Variants in RIPOR2 observed in about 807,000 individuals in gnomAD.
RIPOR2 encodes the protein RHO family interacting cell polarization regulator 2, also known as rho family-interacting cell polarization regulator 2.
In RIPOR2, 39 loss-of-function variants were observed where a neutral mutation model predicts 114.5. The ratio of observed to expected loss-of-function variants is 0.34; its 90% CI spans 0.26 to 0.44. The LOEUF is 0.44. Among genes scored for constraint, RIPOR2 ranks in the 20% least tolerant of loss-of-function variants. The pLI, the probability that RIPOR2 is intolerant of heterozygous loss-of-function variation, is 1.00. For missense variants in RIPOR2, 1,007 were observed against 1,255.1 expected, an observed-to-expected ratio of 0.80 and a Z score of 2.99; for synonymous variants, 445 against 484.4, an observed-to-expected ratio of 0.92 and a Z score of 1.07.
At chr6:24,918,290 T>C (rs1044249246) in intron 1 of RIPOR2, among the ~76,000 whole-genome samples, 1 of 152,268 alleles carries the variant, frequency 6.6e-6, no homozygotes, top group African/African-American at 2.4e-5. Flanking sequence ...GACATTGGCT[T>C]GATTGATAAT....
At chr6:24,995,800 ATTTTTTTTT>A (rs35560241) in intron 1 of RIPOR2, among the ~76,000 whole-genome samples, 2 of 136,732 alleles carry the variant, frequency 1.5e-5, no homozygotes, top group Non-Finnish European at 3.2e-5. Flanking sequence ...AACTAGAGTG[ATTTTTTTTT>A]TTTTTTTTTT....
intron 20 of RIPOR2, among the ~76,000 whole-genome samples, chr6:24,811,657 C>CTTTTTT (rs1222503239): frequency 1.8e-4 from 4 of 21,728 alleles, no homozygotes; most frequent in East Asian, 3.9e-3. Flanking sequence ...TCGTTTAGTA[C>CTTTTTT]TTTTTTTTTT....
rs1231184191 is a variant in RIPOR2, at chr6:24,843,040, T to C, written c.1679A>G (p.Asp560Gly). The C allele has an allele frequency of 3.1e-6, 5 of 1,612,166 alleles. No individual in the cohort carries two copies. In the East Asian group the frequency reaches 1.1e-4, roughly 36 times the overall value. The change falls in exon 13 of 22, where the codon GAC becomes GGC. Residue 560 changes from aspartate (D) to glycine (G), a missense_variant. By Grantham distance (94) the Asp-to-Gly change is moderately conservative. Transcript: ENST00000643898. ...LTSAEVPMAT[D>G]RLLSEGSVGG... ...AACAGAACCCTCAGAGAGCAGCCTG[T>C]CTGTGGCCATTGGCACCTCTGCAGA...
intron 19 of RIPOR2, among the ~76,000 whole-genome samples, chr6:24,820,869 CTTT>C (rs34770819): frequency 0.3 from 24,688 of 83,030 alleles, 1,780 homozygotes; most frequent in East Asian, 0.6. Context: ...GTTTAACACT[CTTT>C]TTTTTTTTTT....
chr6:24,972,846 G>A (rs533565450), intron 1 of RIPOR2, among the ~76,000 whole-genome samples: 1 of 152,282 alleles, frequency 6.6e-6, no homozygotes, highest in Non-Finnish European at 1.5e-5. Flanking sequence ...TGAAAAATCT[G>A]TTTTACTAAT....
chr6:24,893,138 A>G (rs1199408196), intron 1 of RIPOR2, among the ~76,000 whole-genome samples: 11 of 152,250 alleles, frequency 7.2e-5, no homozygotes, highest in Admixed American at 7.2e-4. Flanking sequence ...TTCAACAGCA[A>G]CAATCACCAA....
chr6:24,931,887 C>G (rs1415656337), intron 1 of RIPOR2: 2 of 152,234 alleles, frequency 1.3e-5, no homozygotes, highest in Admixed American at 6.5e-5. Flanking sequence ...TGCTAAAATA[C>G]TCACTGACCA....
intron 1 of RIPOR2, among the ~76,000 whole-genome samples, chr6:25,005,696 T>C (rs1536769): frequency 1.9e-3 from 21 of 10,812 alleles, no homozygotes; most frequent in South Asian, 0.014. Flanking sequence ...CCTATGGAGA[T>C]ATATATATAT....
chr6:24,848,724 C>T (rs1762563389), intron 11 of RIPOR2, among the ~76,000 whole-genome samples: 1 of 152,212 alleles, frequency 6.6e-6, no homozygotes, highest in Admixed American at 6.5e-5. Flanking sequence ...TCAATGACTG[C>T]AGATTGTGGG....
chr6:24,951,587 G>A (rs940399792), intron 1 of RIPOR2, among the ~76,000 whole-genome samples: 4 of 152,138 alleles, frequency 2.6e-5, no homozygotes, highest in African/African-American at 9.7e-5. Context: ...TCACGCTTCT[G>A]CTACTCTAGT....
chr6:24,980,090 C>T (rs1179632312), intron 1 of RIPOR2, among the ~76,000 whole-genome samples: 2 of 152,214 alleles, frequency 1.3e-5, no homozygotes, highest in African/African-American at 4.8e-5. Flanking sequence ...TAAAGAATCT[C>T]ATCTTAGATA....
chr6:24,873,330 C>T (rs571574677), intron 3 of RIPOR2, among the ~76,000 whole-genome samples: 1 of 152,196 alleles, frequency 6.6e-6, no homozygotes, highest in Admixed American at 6.5e-5. Context: ...TCTGGGTTCA[C>T]AATCCCTGTA....
At chr6:24,876,284 C>T (rs1186600520) in intron 1 of RIPOR2, among the ~76,000 whole-genome samples, 1 of 151,664 alleles carries the variant, frequency 6.6e-6, no homozygotes, top group Non-Finnish European at 1.5e-5. Flanking sequence ...GAGCAAAACT[C>T]TGTCTAAAAA....
intron 1 of RIPOR2, among the ~76,000 whole-genome samples, chr6:24,945,834 TA>T (rs1171178995): frequency 4.6e-5 from 7 of 152,204 alleles, no homozygotes; most frequent in Non-Finnish European, 2.9e-5. Context: ...GATACCTCTA[TA>T]AAAAATTTCT....
chr6:24,968,663 G>A (rs1773642386), intron 1 of RIPOR2, among the ~76,000 whole-genome samples: 2 of 152,206 alleles, frequency 1.3e-5, no homozygotes, highest in Non-Finnish European at 2.9e-5. Flanking sequence ...GGACTAGGAT[G>A]AGGGATTTTA....
At chr6:24,877,990 T>C (rs2747684) in intron 1 of RIPOR2, among the ~76,000 whole-genome samples, 103,757 of 151,958 alleles carry the variant, frequency 0.68, 36,127 homozygotes, top group African/African-American at 0.82. Flanking sequence ...AACAGGTGAC[T>C]GGGATGAGTC....
rs187318891 is a variant in RIPOR2, at chr6:24,898,534, C to T, written c.62-22717G>A. ...CTTCCTTTTTCTCTTTGTGAAATTT[C>T]CTTTGGTTGTCCTTTTTTGGATCTT... On this transcript the variant is annotated intron_variant, in intron 1 of 21. Coordinates refer to ENST00000643898, the MANE Select transcript of RIPOR2 (RefSeq NM_001286445.3). 9.9e-5 allele frequency: 15 copies of T among 152,186 alleles called. No individual in the cohort carries two copies. In the East Asian group the frequency reaches 2.5e-3, roughly 25 times the overall value. The allele number at this position is 152,186 out of a possible 1,614,324, so 9.4% of individuals were successfully genotyped here.
intron 19 of RIPOR2, among the ~76,000 whole-genome samples, chr6:24,822,581 C>T (rs547761120): frequency 2.0e-5 from 3 of 152,200 alleles, no homozygotes; most frequent in African/African-American, 4.8e-5. Flanking sequence ...TGCAATGGTG[C>T]GATCTCAGGT....
chr6:24,806,064 C>G lies in RIPOR2; in HGVS notation c.*309G>C. ...TTCTGGGCTCAAGCAATCCTCCCAC[C>G]TTAGCCTCCCAAGTAGCTGGGACTA... On this transcript the variant is annotated 3_prime_UTR_variant, in exon 22 of 22. Transcript: ENST00000643898. 1 of 279,964 alleles carries G rather than the reference C, an allele frequency of 3.6e-6. No individual in the cohort carries two copies. The highest frequency in any genetic ancestry group is 6.7e-6 in the Non-Finnish European group (1 of 150,006). The allele number at this position is 279,964 out of a possible 1,614,324, so 17.3% of individuals were successfully genotyped here.
Sources: gnomAD v4.1 joint callset for allele counts (sites outside exome capture counted in the v4.1 genomes callset) on GRCh38, gnomAD v4.1.1 for gene constraint, MANE v1.5 for transcripts, NCBI Gene and HGNC (gene_info 2026-07-23, HGNC 2026-07-21) for gene names.